Variants in PTPRD observed in about 807,000 individuals in gnomAD.
PTPRD encodes the protein receptor-type tyrosine-protein phosphatase delta.
Under a neutral mutation model 214.5 loss-of-function variants are expected in PTPRD, and 34 were observed. The observed-to-expected ratio is 0.16, with a 90% CI of 0.12 to 0.21. The LOEUF is 0.21. PTPRD is among the 10% of genes least tolerant of loss of function. The probability of loss-of-function intolerance (pLI) is 1.00; values close to 1 mark genes in which losing one functional copy is unlikely to be tolerated. For missense variants in PTPRD, 2,545 were observed against 2,398.7 expected, an observed-to-expected ratio of 1.06 and a Z score of -1.27; for synonymous variants, 1,128 against 845.7, an observed-to-expected ratio of 1.33 and a Z score of -5.79.
intron 5 of PTPRD, among the ~76,000 whole-genome samples, chr9:9,907,487 T>C (rs563762633): frequency 1.3e-5 from 2 of 152,114 alleles, no homozygotes; most frequent in African/African-American, 2.4e-5. Context: ...TCTTACTATG[T>C]CCTCACATGA....
intron 9 of PTPRD, among the ~76,000 whole-genome samples, chr9:9,323,590 A>G (rs897097868): frequency 1.1e-4 from 17 of 152,152 alleles, no homozygotes; most frequent in Non-Finnish European, 2.5e-4. Flanking sequence ...GAGAACCATC[A>G]TACTATCTTA....
At chr9:8,942,248 A>C (rs2099038653) in intron 11 of PTPRD, among the ~76,000 whole-genome samples, 1 of 152,150 alleles carries the variant, frequency 6.6e-6, no homozygotes, top group Non-Finnish European at 1.5e-5. Flanking sequence ...ACTAGCAAGC[A>C]CTTTAACAAT....
At chr9:9,241,521 G>A (rs900718091) in intron 9 of PTPRD, among the ~76,000 whole-genome samples, 8 of 152,206 alleles carry the variant, frequency 5.3e-5, no homozygotes, top group African/African-American at 7.2e-5. Context: ...GCAAGAAAGC[G>A]CACCTTGGAG....
At chr9:10,091,647 A>G (rs1396914167) in intron 3 of PTPRD, among the ~76,000 whole-genome samples, 1 of 151,480 alleles carries the variant, frequency 6.6e-6, no homozygotes, top group Non-Finnish European at 1.5e-5. Flanking sequence ...ATGTTTCCCC[A>G]AATAATACAT....
At chr9:9,070,965 T>G (rs745367832) in intron 10 of PTPRD, among the ~76,000 whole-genome samples, 2 of 152,050 alleles carry the variant, frequency 1.3e-5, no homozygotes, top group South Asian at 2.1e-4. Flanking sequence ...GTGCAGGCTG[T>G]AGTGCAGTGC....
At chr9:8,818,007 G>A (rs1447085373) in intron 11 of PTPRD, among the ~76,000 whole-genome samples, 2 of 152,156 alleles carry the variant, frequency 1.3e-5, no homozygotes, top group African/African-American at 4.8e-5. Context: ...CAAATTGCCT[G>A]TTATAACTCA....
At chr9:10,532,125 T>G (rs1260564691) in intron 2 of PTPRD, 1 of 152,154 alleles carries the variant, frequency 6.6e-6, no homozygotes, top group Non-Finnish European at 1.5e-5. Context: ...GAAGCTTATA[T>G]ATAAGATTTT....
At chr9:9,401,943 T>A (rs1485204930) in intron 8 of PTPRD, among the ~76,000 whole-genome samples, 1 of 152,084 alleles carries the variant, frequency 6.6e-6, no homozygotes, top group Non-Finnish European at 1.5e-5. Flanking sequence ...AGCAGAACTG[T>A]GAGTCAATTA....
intron 11 of PTPRD, among the ~76,000 whole-genome samples, chr9:8,769,806 G>GAA (rs571912390): frequency 1.5e-5 from 2 of 135,900 alleles, no homozygotes; most frequent in African/African-American, 5.4e-5. Context: ...TTTACAATTA[G>GAA]AAAAAAAAAA....
chr9:10,065,739 G>A (rs1318057574), intron 3 of PTPRD, among the ~76,000 whole-genome samples: 2 of 151,880 alleles, frequency 1.3e-5, no homozygotes, highest in African/African-American at 4.8e-5. Context: ...CAAGGTAGTA[G>A]CCCTGTTATT....
At chr9:8,704,292 G>A (rs185559561) in intron 12 of PTPRD, among the ~76,000 whole-genome samples, 5 of 152,146 alleles carry the variant, frequency 3.3e-5, no homozygotes, top group East Asian at 1.9e-4. Flanking sequence ...AACTCCAGCC[G>A]AATTGGTTTC....
At chr9:8,570,936 G>A (rs368087509) in intron 14 of PTPRD, among the ~76,000 whole-genome samples, 4 of 151,890 alleles carry the variant, frequency 2.6e-5, no homozygotes, top group African/African-American at 9.6e-5. Flanking sequence ...TACAGACCAG[G>A]CAGGCAGTAC....
intron 11 of PTPRD, among the ~76,000 whole-genome samples, chr9:8,910,782 T>C (rs575581098): frequency 3.3e-5 from 5 of 152,308 alleles, no homozygotes; most frequent in Admixed American, 6.5e-5. Flanking sequence ...AAAATCAAGA[T>C]ACAAAAATTA....
intron 10 of PTPRD, among the ~76,000 whole-genome samples, chr9:9,095,810 C>T (rs2099782700): frequency 6.6e-6 from 1 of 152,086 alleles, no homozygotes; most frequent in Admixed American, 6.6e-5. Flanking sequence ...TCCCATGTTC[C>T]TTGCAGTATT....
rs567200460 is a variant in PTPRD, at chr9:9,615,806, A to C, written c.-286-41025T>G. On this transcript the variant is annotated intron_variant, in intron 7 of 45. Transcript: ENST00000381196. ...GTGAGTATTATAATCCACATTTTACAGATGAAGTAACTAAGCCTTAAACTT... is the reference window on the plus strand; with the variant it reads ...GTGAGTATTATAATCCACATTTTACCGATGAAGTAACTAAGCCTTAAACTT... Among the ~76,000 whole-genome samples, 8 of 152,296 alleles carry C rather than the reference A, an allele frequency of 5.3e-5. No homozygotes were observed. The South Asian group carries it at 1.7e-3, about 32-fold the overall frequency.
chr9:9,217,740 A>G (rs925711541), intron 9 of PTPRD, among the ~76,000 whole-genome samples: 32 of 152,038 alleles, frequency 2.1e-4, no homozygotes, highest in African/African-American at 7.5e-4. Flanking sequence ...CCTTGGATCC[A>G]TTTCTACTCT....
chr9:9,301,547 G>T (rs1008201415), intron 9 of PTPRD, among the ~76,000 whole-genome samples: 3 of 151,798 alleles, frequency 2.0e-5, no homozygotes, highest in African/African-American at 7.3e-5. Flanking sequence ...TACCTGTGTT[G>T]TTCTGTATTT....
At position 9,413,598 on chromosome 9, in the gene PTPRD, C is replaced by A. The variant is rs532280261; in HGVS notation, c.-236-16116G>T. On this transcript the variant is annotated intron_variant, in intron 8 of 45. Transcript: ENST00000381196. ...AACCAAACTAGAAATTATATAAACT[C>A]TCTGTTTTGAAAAAGTCTATGAGCC... Among the ~76,000 whole-genome samples the A allele has an allele frequency of 1.1e-4, 16 of 152,244 alleles. No individual in the cohort carries two copies. In the South Asian group the frequency reaches 2.9e-3, roughly 28 times the overall value.
At chr9:8,706,556 T>C (rs2098214524) in intron 12 of PTPRD, among the ~76,000 whole-genome samples, 1 of 152,106 alleles carries the variant, frequency 6.6e-6, no homozygotes, top group African/African-American at 2.4e-5. Flanking sequence ...GAACTTCATA[T>C]ATTTAGGAAA....
Sources: gnomAD v4.1 joint callset for allele counts (sites outside exome capture counted in the v4.1 genomes callset) on GRCh38, gnomAD v4.1.1 for gene constraint, MANE v1.5 for transcripts, NCBI Gene and HGNC (gene_info 2026-07-23, HGNC 2026-07-21) for gene names.